The following DMD variants were observed in gnomAD, a reference collection of about 807,000 sequenced individuals.
DMD encodes the protein mutant dystrophin.
Under a neutral mutation model 330.1 loss-of-function variants are expected in DMD, and 63 were observed. The ratio of observed to expected loss-of-function variants is 0.19; its 90% CI spans 0.16 to 0.24. The LOEUF is 0.24. DMD is among the 10% of genes least tolerant of loss of function. DMD has a pLI of 1.00. For synonymous variants in DMD, 1,223 were observed against 959.8 expected (o/e 1.27, Z -5.07); for missense variants, 3,344 against 2,684.1 (o/e 1.25, Z -5.43).
At chrX:31,549,993 A>G (rs1346270630) in intron 55 of DMD, among the ~76,000 whole-genome samples, 1 of 112,303 alleles carries the variant, frequency 8.9e-6, no homozygotes, top group African/African-American at 3.2e-5. Context: ...TGAACTACTC[A>G]GCAGGTAAAA....
chrX:32,628,258 ATTTTTTTTTTTTTTT>A (rs1170760390), intron 11 of DMD, among the ~76,000 whole-genome samples: 5 of 15,353 alleles, frequency 3.3e-4, no homozygotes, highest in East Asian at 2.2e-3. Context: ...AGTTGTTTTA[ATTTTTTTTTTTTTTT>A]TTTTTTTTTT....
At chrX:32,907,536 A>C (rs779875972) in intron 2 of DMD, among the ~76,000 whole-genome samples, 2 of 111,720 alleles carry the variant, frequency 1.8e-5, no homozygotes, top group African/African-American at 6.5e-5. Context: ...AATTGATCAA[A>C]ATTTGCTGTA....
chrX:32,945,407 T>G (rs1023520600), intron 2 of DMD, among the ~76,000 whole-genome samples: 1 of 111,640 alleles, frequency 9.0e-6, no homozygotes, highest in African/African-American at 3.2e-5. Flanking sequence ...TTATAATAGT[T>G]GTCATTGTTG....
rs779852446 is a variant in DMD, at chrX:32,390,097, C to T, written c.4318G>A (p.Val1440Ile). The change falls in exon 31 of 79, where the codon GTC becomes ATC. Residue 1440 changes from valine to isoleucine, a missense_variant. Val to Ile is a conservative substitution (Grantham distance 29). Coordinates refer to ENST00000357033, the MANE Select transcript of DMD (RefSeq NM_004006.3). The part of the protein sequence containing the change: ...HNQGKEAAQR[V>I]LSQIDVAQKK... ...TGTGCAACATCAATCTGAGACAGGA[C>T]TCTTTGGGCAGCCTCCTTCCCCTGA... 1 of 1,206,926 alleles carries T rather than the reference C, an allele frequency of 8.3e-7. No homozygotes were observed. The highest frequency in any genetic ancestry group is 1.1e-6 in the Non-Finnish European group (1 of 892,501).
rs1312369324 is a variant in DMD, at chrX:32,545,341, G to T, written c.1993-7C>A. ...TGGTGACAGCCTGTGAAATCTGTGA[G>T]AAGTATTGAAACAGAGGTCAGACAT... On this transcript the variant is annotated splice_region_variant and splice_polypyrimidine_tract_variant and intron_variant, in intron 16 of 78. Transcript: ENST00000357033. 8.3e-7 allele frequency: 1 copy of T among 1,208,316 alleles called. No individual in the cohort carries two copies. The highest frequency in any genetic ancestry group is 1.8e-5 in the South Asian group (1 of 56,914).
intron 2 of DMD, among the ~76,000 whole-genome samples, chrX:32,948,861 T>G (rs1369832564): frequency 8.9e-6 from 1 of 112,059 alleles, no homozygotes; most frequent in African/African-American, 3.2e-5. Context: ...CTTTAAATAT[T>G]ACATCATGCA....
chrX:32,649,631 T>C lies in DMD; in HGVS notation c.961-4479A>G, dbSNP rs191945021. ...AGGTAAAAAAATCAGGGATGATAAA[T>C]GACTGTTTTAGTCCAGCAATGTCTA... On this transcript the variant is annotated intron_variant, in intron 9 of 78. Coordinates refer to ENST00000357033, the MANE Select transcript of DMD (RefSeq NM_004006.3). 1.7e-4 allele frequency among the ~76,000 whole-genome samples: 17 copies of C among 100,460 alleles called. No homozygotes were observed. The East Asian group carries it at 5.2e-3, about 31-fold the overall frequency. The allele number at this position is 100,460 out of a possible 115,157, so 87.2% of individuals were successfully genotyped here.
At chrX:32,815,283 C>T (rs1603435747) in intron 6 of DMD, among the ~76,000 whole-genome samples, 1 of 97,299 alleles carries the variant, frequency 1.0e-5, no homozygotes, top group Non-Finnish European at 2.0e-5. Flanking sequence ...GCAGGATTGG[C>T]ATAGGAAAAT....
intron 54 of DMD, among the ~76,000 whole-genome samples, chrX:31,650,807 C>G (rs1483756994): frequency 9.0e-6 from 1 of 111,413 alleles, no homozygotes; most frequent in East Asian, 2.8e-4. Flanking sequence ...TATCATGCAT[C>G]AAGTCTCAGG....
chrX:32,767,977 T>A (rs779021735), intron 7 of DMD, among the ~76,000 whole-genome samples: 54 of 111,735 alleles, frequency 4.8e-4, no homozygotes, highest in Non-Finnish European at 9.0e-4. Flanking sequence ...AGATATAACA[T>A]TGAGTGTTTC....
chrX:32,712,598 G>A, intron 7 of DMD, among the ~76,000 whole-genome samples: 1 of 110,952 alleles, frequency 9.0e-6, no homozygotes, highest in South Asian at 3.8e-4. Flanking sequence ...ATTTTATTTT[G>A]ATGGGCTATT....
At chrX:31,878,547 C>T (rs1207578821) in intron 47 of DMD, among the ~76,000 whole-genome samples, 1 of 111,806 alleles carries the variant, frequency 8.9e-6, no homozygotes, top group Admixed American at 9.6e-5. Flanking sequence ...TCAAAAGCTT[C>T]TGCACGACCA....
chrX:32,613,471 C>A (rs2057329589), intron 12 of DMD, among the ~76,000 whole-genome samples: 1 of 110,252 alleles, frequency 9.1e-6, no homozygotes, highest in Non-Finnish European at 1.9e-5. Context: ...AGCGAGGGAG[C>A]ATAACTGGAA....
chrX:31,284,864 C>A lies in DMD; in HGVS notation c.9225-23848G>T, dbSNP rs556957435. ...CACACACACACACACACACACACAC[C>A]CACACCCACACACGCAAAGTATGTA... On this transcript the variant is annotated intron_variant, in intron 62 of 78. Transcript: ENST00000357033. Among the ~76,000 whole-genome samples the A allele has an allele frequency of 8.7e-3, 735 of 84,552 alleles. 1 individual carries two copies. The highest frequency in any genetic ancestry group is 0.057 in the Middle Eastern group (9 of 157). The allele number at this position is 84,552 out of a possible 115,157, so 73.4% of individuals were successfully genotyped here. A position where few individuals can be genotyped will look rare whatever the true frequency, so the allele number is the denominator to read the frequency against.
chrX:32,020,803 T>C (rs1237814744), intron 44 of DMD, among the ~76,000 whole-genome samples: 3 of 112,794 alleles, frequency 2.7e-5, no homozygotes, highest in African/African-American at 9.7e-5. Flanking sequence ...TTAATAATTA[T>C]ATCTATTTAA....
At chrX:32,836,252 G>A (rs896292559) in intron 4 of DMD, among the ~76,000 whole-genome samples, 5 of 108,991 alleles carry the variant, frequency 4.6e-5, no homozygotes, top group East Asian at 2.9e-4. Context: ...GGATGGTCTC[G>A]AACTCCTGAC....
At chrX:31,592,475 T>C (rs1482913739) in intron 55 of DMD, among the ~76,000 whole-genome samples, 1 of 106,633 alleles carries the variant, frequency 9.4e-6, no homozygotes, top group Non-Finnish European at 1.9e-5. Flanking sequence ...CAAGTCAATT[T>C]TTAATTAGAG....
At chrX:31,507,690 C>T (rs1457975272) in intron 55 of DMD, among the ~76,000 whole-genome samples, 2 of 111,727 alleles carry the variant, frequency 1.8e-5, no homozygotes, top group Non-Finnish European at 3.8e-5. Context: ...TTATTCCTTG[C>T]CATTATGAGT....
intron 9 of DMD, among the ~76,000 whole-genome samples, chrX:32,691,204 T>C (rs1339658819): frequency 9.0e-6 from 1 of 110,889 alleles, no homozygotes; most frequent in Non-Finnish European, 1.9e-5. Flanking sequence ...TCATGATTAC[T>C]ATTTTAAATA....
Sources: gnomAD v4.1 joint callset for allele counts (sites outside exome capture counted in the v4.1 genomes callset) on GRCh38, gnomAD v4.1.1 for gene constraint, MANE v1.5 for transcripts, NCBI Gene and HGNC (gene_info 2026-07-23, HGNC 2026-07-21) for gene names.